The following BTBD9 variants were observed in gnomAD, a reference collection of about 807,000 sequenced individuals.
BTBD9 encodes BTB/POZ domain-containing protein 9.
BTBD9 carries 49 observed loss-of-function variants against 64.3 expected under a neutral mutation model. The observed-to-expected ratio is 0.76, with a 90% CI of 0.61 to 0.97. The LOEUF is 0.97. Ranked by LOEUF, BTBD9 falls within the 50% of genes least tolerant of loss-of-function variation. BTBD9 has a pLI of 0.00. For missense variants in BTBD9, 598 were observed against 762.1 expected, an observed-to-expected ratio of 0.78 and a Z score of 2.53; for synonymous variants, 260 against 274.7, an observed-to-expected ratio of 0.95 and a Z score of 0.53.
intron 9 of BTBD9, among the ~76,000 whole-genome samples, chr6:38,248,442 C>T (rs538542210): frequency 6.6e-6 from 1 of 152,310 alleles, no homozygotes; most frequent in South Asian, 2.1e-4. Flanking sequence ...TAGATGATGG[C>T]TGAAGTCACT....
intron 7 of BTBD9, among the ~76,000 whole-genome samples, chr6:38,303,933 G>A (rs562013871): frequency 3.9e-4 from 41 of 105,822 alleles, no homozygotes; most frequent in South Asian, 2.9e-3. Flanking sequence ...ATATATACAC[G>A]TGTGTGTGTG....
At chr6:38,503,580 A>G (rs1471106104) in intron 6 of BTBD9, among the ~76,000 whole-genome samples, 2 of 151,732 alleles carry the variant, frequency 1.3e-5, no homozygotes, top group African/African-American at 2.4e-5. Context: ...CTCTCAAACC[A>G]CTTCATCCCT....
At chr6:38,539,548 T>C (rs1320944878) in intron 6 of BTBD9, among the ~76,000 whole-genome samples, 2 of 152,208 alleles carry the variant, frequency 1.3e-5, no homozygotes, top group Admixed American at 6.5e-5. Flanking sequence ...TAACCAAAGG[T>C]AGAAACACGG....
Position 38,171,603 on chromosome 6 carries a change from TGA to T in BTBD9, c.*3380_*3381del, listed in dbSNP as rs1264653748. ...GTGTGTGTGTGTGTGTGTGTGTGTG[TGA>T]GAGGGAGAGACGGTGGGGGCGGGGG... On this transcript the variant is annotated 3_prime_UTR_variant, in exon 11 of 11. Transcript: ENST00000481247. 2.5e-4 allele frequency: 19 copies of T among 75,978 alleles called. No homozygotes were observed. The highest frequency in any genetic ancestry group is 6.1e-4 in the Admixed American group (4 of 6,574). 4.7% of individuals were successfully genotyped at this position (75,978 alleles called of 1,614,324 possible). A position where few individuals can be genotyped will look rare whatever the true frequency, so the allele number is the denominator to read the frequency against.
At chr6:38,569,590 T>C (rs1775667663) in intron 6 of BTBD9, among the ~76,000 whole-genome samples, 1 of 152,192 alleles carries the variant, frequency 6.6e-6, no homozygotes, top group African/African-American at 2.4e-5. Context: ...AGGACACTAA[T>C]TTATATTCTA....
intron 6 of BTBD9, among the ~76,000 whole-genome samples, chr6:38,555,548 C>T (rs889505785): frequency 1.1e-4 from 17 of 152,120 alleles, no homozygotes; most frequent in African/African-American, 4.1e-4. Context: ...GTAGTAGTAG[C>T]AGTAGTAGTG....
intron 6 of BTBD9, among the ~76,000 whole-genome samples, chr6:38,521,230 A>G (rs1046861738): frequency 5.3e-5 from 8 of 152,180 alleles, no homozygotes; most frequent in Non-Finnish European, 8.8e-5. Flanking sequence ...AAATCAGTTA[A>G]TCTTTTTTAC....
chr6:38,254,475 C>CA (rs566844594), intron 9 of BTBD9, among the ~76,000 whole-genome samples: 250 of 149,768 alleles, frequency 1.7e-3, no homozygotes, highest in Non-Finnish European at 2.2e-3. Flanking sequence ...AACAAACAAA[C>CA]AAAAAAAAAC....
At chr6:38,504,421 A>G (rs535660504) in intron 6 of BTBD9, 1 of 375,432 alleles carries the variant, frequency 2.7e-6, no homozygotes, top group South Asian at 2.1e-5. Flanking sequence ...ATGGGCATCT[A>G]TAATTTTCCT....
intron 7 of BTBD9, among the ~76,000 whole-genome samples, chr6:38,305,864 G>A (rs746756930): frequency 3.9e-5 from 6 of 152,208 alleles, no homozygotes; most frequent in Non-Finnish European, 8.8e-5. Context: ...TGTGACAGAA[G>A]ATGTTTGTAT....
chr6:38,628,251 T>C (rs1472238232), intron 1 of BTBD9, among the ~76,000 whole-genome samples: 1 of 152,000 alleles, frequency 6.6e-6, no homozygotes, highest in Non-Finnish European at 1.5e-5. Flanking sequence ...ATAAACAGAA[T>C]CAAATGAACC....
At chr6:38,339,194 T>A (rs533280060) in intron 7 of BTBD9, among the ~76,000 whole-genome samples, 75 of 152,318 alleles carry the variant, frequency 4.9e-4, no homozygotes, top group Admixed American at 1.4e-3. Context: ...TAGTGGAAGA[T>A]TGAAAACAAC....
intron 8 of BTBD9, among the ~76,000 whole-genome samples, chr6:38,259,058 T>C (rs73412518): frequency 0.011 from 1,676 of 152,278 alleles, 33 homozygotes; most frequent in African/African-American, 0.038. Flanking sequence ...ATTACAGATA[T>C]TGAAAGTGTG....
At chr6:38,444,868 G>A (rs1161984139) in intron 6 of BTBD9, among the ~76,000 whole-genome samples, 1 of 152,158 alleles carries the variant, frequency 6.6e-6, no homozygotes, top group Non-Finnish European at 1.5e-5. Context: ...CTAACTAAAA[G>A]AAGATTTATT....
intron 6 of BTBD9, among the ~76,000 whole-genome samples, chr6:38,513,615 G>A (rs910722133): frequency 6.6e-6 from 1 of 152,052 alleles, no homozygotes; most frequent in Non-Finnish European, 1.5e-5. Context: ...TTCTGCTTTG[G>A]AGAAAAAGAT....
intron 6 of BTBD9, among the ~76,000 whole-genome samples, chr6:38,562,779 T>C (rs1775313962): frequency 6.6e-6 from 1 of 152,330 alleles, no homozygotes; most frequent in East Asian, 1.9e-4. Flanking sequence ...CTATAAGCAA[T>C]GCTACAATAA....
chr6:38,258,875 G>A (rs554266505), intron 8 of BTBD9, among the ~76,000 whole-genome samples: 69 of 152,252 alleles, frequency 4.5e-4, no homozygotes, highest in African/African-American at 9.4e-4. Flanking sequence ...AGGCCACAGC[G>A]CGAGATTCTG....
At chr6:38,536,552 A>G (rs923579479) in intron 6 of BTBD9, among the ~76,000 whole-genome samples, 8 of 152,188 alleles carry the variant, frequency 5.3e-5, no homozygotes, top group African/African-American at 1.4e-4. Context: ...CACTATTCAC[A>G]ATAGCCAAAA....
chr6:38,234,588 T>C (rs909997), intron 9 of BTBD9, among the ~76,000 whole-genome samples: 144,343 of 152,344 alleles, frequency 0.95, 68,456 homozygotes, highest in African/African-American at 0.99. Flanking sequence ...AACTATTATA[T>C]ACTTTTACTG....
Sources: allele counts gnomAD v4.1 joint callset (sites outside exome capture counted in the v4.1 genomes callset), GRCh38; gene constraint gnomAD v4.1.1; transcripts MANE v1.5; gene names NCBI Gene and HGNC (gene_info 2026-07-23, HGNC 2026-07-21).